Variants in PRRX2 observed in about 807,000 individuals in gnomAD.
PRRX2 encodes the protein paired related homeobox 2.
In PRRX2, 11 loss-of-function variants were observed where a neutral mutation model predicts 18.0. That is an observed-to-expected ratio of 0.61 (90% CI 0.39 to 1.01). The LOEUF is 1.01. Ranked by LOEUF, PRRX2 falls within the 50% of genes least tolerant of loss-of-function variation. The pLI is 0.01. For synonymous variants in PRRX2, 177 were observed against 154.8 expected (o/e 1.14, Z -1.06); for missense variants, 387 against 351.0 (o/e 1.10, Z -0.82).
At chr9:129,691,164 A>C (rs2130918762) in intron 1 of PRRX2, among the ~76,000 whole-genome samples, 1 of 140,412 alleles carries the variant, frequency 7.1e-6, no homozygotes, top group East Asian at 2.0e-4. Flanking sequence ...GTCTCTGCTA[A>C]ATATACAAAA....
chr9:129,691,299 T>A (rs1832358118), intron 1 of PRRX2, among the ~76,000 whole-genome samples: 1 of 151,584 alleles, frequency 6.6e-6, no homozygotes, highest in African/African-American at 2.4e-5. Flanking sequence ...ATCGCACCAT[T>A]GCACCCAGCC....
At chr9:129,719,134 A>G (rs1832751847) in intron 1 of PRRX2, 97 bp from the exon 2 acceptor site, 9 of 1,225,458 alleles carry the variant, frequency 7.3e-6, no homozygotes, top group Non-Finnish European at 8.8e-6. Context: ...TGGCGGCGGC[A>G]CTAAAGCACT....
intron 1 of PRRX2, among the ~76,000 whole-genome samples, chr9:129,691,081 T>C (rs971352653): frequency 6.6e-6 from 1 of 151,324 alleles, no homozygotes; most frequent in Non-Finnish European, 1.5e-5. Flanking sequence ...TCCCAGCACT[T>C]TGGGAGGCTG....
intron 1 of PRRX2, among the ~76,000 whole-genome samples, chr9:129,683,077 C>T (rs1266917377): frequency 6.6e-6 from 1 of 152,132 alleles, no homozygotes; most frequent in South Asian, 2.1e-4. Context: ...CACTACACTC[C>T]AGCCTGGGTG....
intron 1 of PRRX2, 73 bp downstream of exon 1, chr9:129,666,199 G>A (rs1363531118): frequency 6.2e-6 from 6 of 966,784 alleles, no homozygotes; most frequent in African/African-American, 1.8e-5. Context: ...GGGGTCCGGG[G>A]AGCCGGCGCG....
chr9:129,687,816 T>A (rs10819558), intron 1 of PRRX2, among the ~76,000 whole-genome samples: 2,976 of 152,302 alleles, frequency 0.02, 93 homozygotes, highest in African/African-American at 0.067. Context: ...GCAGGCAGCA[T>A]CAGCTCTCTG....
chr9:129,673,350 G>A (rs989780015), intron 1 of PRRX2, among the ~76,000 whole-genome samples: 15 of 152,110 alleles, frequency 9.9e-5, no homozygotes, highest in African/African-American at 2.4e-4. Flanking sequence ...CCAGCTACTC[G>A]GGATGCTGAG....
Position 129,707,170 on chromosome 9 carries a change from C to T in PRRX2, c.260-12061C>T, listed in dbSNP as rs532209736. Among the ~76,000 whole-genome samples the T allele has an allele frequency of 7.0e-4, 107 of 152,080 alleles. 2 individuals are homozygous for T. The highest frequency in any genetic ancestry group is 4.3e-3 in the Admixed American group (66 of 15,272). On this transcript the variant is annotated intron_variant, in intron 1 of 3. Coordinates refer to ENST00000372469, the MANE Select transcript of PRRX2 (RefSeq NM_016307.4). ...ACTTGGGAAGCTGAGGCAGGAGAAT[C>T]GCTTGAACCCAGGAGGCAGAGGTTG...
chr9:129,668,558 A>T (rs892328810), intron 1 of PRRX2, among the ~76,000 whole-genome samples: 17 of 151,998 alleles, frequency 1.1e-4, no homozygotes, highest in Non-Finnish European at 2.2e-4. Flanking sequence ...TGGTTGGATC[A>T]CTAGAGGTCA....
chr9:129,705,368 CT>C (rs1291035009), intron 1 of PRRX2, among the ~76,000 whole-genome samples: 4 of 152,212 alleles, frequency 2.6e-5, no homozygotes, highest in East Asian at 3.9e-4. Flanking sequence ...CTTGGCCCCC[CT>C]GGCCCTTTGA....
rs771515908 is a variant in PRRX2 at position 129,720,686 on chromosome 9, C to G, written c.538C>G (p.Gln180Glu). Residue 180 changes from glutamine (Q) to glutamate (E), a missense_variant, in exon 3 of 4, where the codon CAG becomes GAG. Coordinates refer to ENST00000372469, the MANE Select transcript of PRRX2 (RefSeq NM_016307.4). ...TGCCTCGCTGCTCAAGTCCTACAGC[C>G]AGGAGGCCGCCATCGAGCAGCCCGT... ...RSASLLKSYS[Q>E]EAAIEQPVAP... is the part of the protein sequence containing the mutation. The G allele has an allele frequency of 6.2e-7, 1 of 1,613,472 alleles. No homozygotes were observed. Among genetic ancestry groups the G allele is most frequent in the Non-Finnish European group, 8.5e-7 (1 of 1,179,860 alleles).
chr9:129,668,515 C>T (rs1441029212), intron 1 of PRRX2, among the ~76,000 whole-genome samples: 1 of 152,100 alleles, frequency 6.6e-6, no homozygotes, highest in Non-Finnish European at 1.5e-5. Flanking sequence ...CGGTGGCTCA[C>T]ACCTGTAACC....
chr9:129,706,705 G>A (rs979838406), intron 1 of PRRX2, among the ~76,000 whole-genome samples: 2 of 152,198 alleles, frequency 1.3e-5, no homozygotes, highest in East Asian at 1.9e-4. Flanking sequence ...TCTAGCCTGA[G>A]TGCAGAGGAA....
chr9:129,703,355 G>T (rs1408939032), intron 1 of PRRX2, among the ~76,000 whole-genome samples: 1 of 152,216 alleles, frequency 6.6e-6, no homozygotes, highest in Non-Finnish European at 1.5e-5. Context: ...TGCAGACTAT[G>T]AGCAGCCCAG....
chr9:129,718,293 C>T (rs555447946), intron 1 of PRRX2, among the ~76,000 whole-genome samples: 1 of 152,298 alleles, frequency 6.6e-6, no homozygotes, highest in East Asian at 1.9e-4. Context: ...ATCCTTCAAA[C>T]CCTTTGCAAG....
chr9:129,698,020 G>A (rs918173862), intron 1 of PRRX2, among the ~76,000 whole-genome samples: 1 of 151,932 alleles, frequency 6.6e-6, no homozygotes, highest in Admixed American at 6.5e-5. Context: ...GTGAGTACAA[G>A]GGCTTCATTG....
intron 1 of PRRX2, among the ~76,000 whole-genome samples, chr9:129,699,439 A>ATG (rs3138854): frequency 0.14 from 20,568 of 145,452 alleles, 1,469 homozygotes; most frequent in Non-Finnish European, 0.18. Context: ...AAATATATAT[A>ATG]TGTGTGTGTG....
Position 129,713,898 on chromosome 9 carries a change from C to T in PRRX2, c.260-5333C>T, listed in dbSNP as rs543532506. Among the ~76,000 whole-genome samples the T allele has an allele frequency of 6.6e-5, 10 of 151,622 alleles. No individual in the cohort carries two copies. In the East Asian group the frequency reaches 2.0e-3, roughly 30 times the overall value. ...CCTCAGGTGTTCCGCCTGCCTCGAC[C>T]TCCCAAAGTGCTGGGATTATAGGCA... On this transcript the variant is annotated intron_variant, in intron 1 of 3. Transcript: ENST00000372469.
intron 1 of PRRX2, among the ~76,000 whole-genome samples, chr9:129,706,008 AC>A (rs1234853315): frequency 2.0e-5 from 3 of 151,418 alleles, no homozygotes; most frequent in African/African-American, 7.3e-5. Context: ...TACCTGTGGC[AC>A]CCCCAGAGAC....
Sources: gnomAD v4.1 joint callset for allele counts (sites outside exome capture counted in the v4.1 genomes callset) on GRCh38, gnomAD v4.1.1 for gene constraint, MANE v1.5 for transcripts, NCBI Gene and HGNC (gene_info 2026-07-23, HGNC 2026-07-21) for gene names.